PRKCE: variants seen among roughly 807,000 people sequenced by gnomAD.
PRKCE encodes protein kinase C epsilon, also known as protein kinase C epsilon type.
A neutral mutation model predicts 85.4 loss-of-function variants in PRKCE; 16 were observed. The ratio of observed to expected loss-of-function variants is 0.19; its 90% CI spans 0.13 to 0.28. PRKCE has a LOEUF of 0.28. Among genes scored for constraint, PRKCE ranks in the 10% least tolerant of loss-of-function variants. The pLI is 1.00. For synonymous variants in PRKCE, 388 were observed against 371.5 expected (o/e 1.04, Z -0.51); for missense variants, 573 against 975.2 (o/e 0.59, Z 5.49).
At chr2:45,852,000 C>T (rs1283900737) in intron 2 of PRKCE, 2 of 152,354 alleles carry the variant, frequency 1.3e-5, no homozygotes, top group African/African-American at 4.8e-5. Flanking sequence ...AACCACTTGC[C>T]TCCACCTGCC....
intron 6 of PRKCE, among the ~76,000 whole-genome samples, chr2:45,989,777 C>T (rs570607101): frequency 6.6e-6 from 1 of 152,202 alleles, no homozygotes; most frequent in South Asian, 2.1e-4. Context: ...GTCGTAACTT[C>T]AACTTTTATT....
chr2:45,913,199 T>C lies in PRKCE; in HGVS notation c.413-63230T>C, dbSNP rs1462332206. Among the ~76,000 whole-genome samples, 18 of 152,296 alleles carry C rather than the reference T, an allele frequency of 1.2e-4. 2 individuals carry two copies. The Middle Eastern group carries it at 0.02, about 173-fold the overall frequency. The stretch of plus-strand genomic sequence containing the variant: ...TCTCGCTTTGTTACCCAGGCTGGAG[T>C]GCAGTGGTGCAATCACATTTAACTG... On this transcript the variant is annotated intron_variant, in intron 2 of 14. Transcript: ENST00000306156.
At chr2:45,883,747 G>A (rs1306048966) in intron 2 of PRKCE, among the ~76,000 whole-genome samples, 1 of 152,210 alleles carries the variant, frequency 6.6e-6, no homozygotes, top group East Asian at 1.9e-4. Context: ...CATGCTGGAA[G>A]GAAGGACAAA....
At chr2:45,766,870 T>G (rs924544617) in intron 1 of PRKCE, among the ~76,000 whole-genome samples, 48 of 152,146 alleles carry the variant, frequency 3.2e-4, no homozygotes, top group African/African-American at 1.0e-3. Flanking sequence ...TGAAACCCCA[T>G]CTCTACTAAA....
At chr2:46,050,120 C>T (rs1294020213) in intron 10 of PRKCE, among the ~76,000 whole-genome samples, 2 of 152,262 alleles carry the variant, frequency 1.3e-5, no homozygotes, top group Admixed American at 1.3e-4. Flanking sequence ...CTTAGCTGGG[C>T]TCATGGCCTG....
chr2:46,173,556 G>T (rs559863184), intron 14 of PRKCE, among the ~76,000 whole-genome samples: 1 of 152,170 alleles, frequency 6.6e-6, no homozygotes, highest in Non-Finnish European at 1.5e-5. Context: ...CCTCAGTTTC[G>T]CAGGAGCAAG....
At chr2:45,962,586 G>T (rs917759310) in intron 2 of PRKCE, among the ~76,000 whole-genome samples, 7 of 152,204 alleles carry the variant, frequency 4.6e-5, no homozygotes, top group African/African-American at 1.7e-4. Flanking sequence ...CTTGGTTGCA[G>T]AGCTATTAGA....
At chr2:45,699,378 T>C (rs1678425141) in intron 1 of PRKCE, among the ~76,000 whole-genome samples, 1 of 152,222 alleles carries the variant, frequency 6.6e-6, no homozygotes, top group South Asian at 2.1e-4. Context: ...TTTCTCTGTC[T>C]CTCAAGTGAC....
At chr2:45,947,173 T>C (rs1387226595) in intron 2 of PRKCE, among the ~76,000 whole-genome samples, 1 of 152,238 alleles carries the variant, frequency 6.6e-6, no homozygotes, top group Non-Finnish European at 1.5e-5. Context: ...TGCTACAATA[T>C]GGATGAACCT....
rs1215746002 is a variant in PRKCE, at chr2:45,705,121, C to T, written c.348+52673C>T. ...ACTATCATTTGGACATGGAATAATTCACTTTCAATTCCTTATTCAGTATCA... is the reference window on the plus strand; with the variant it reads ...ACTATCATTTGGACATGGAATAATTTACTTTCAATTCCTTATTCAGTATCA... On this transcript the variant is annotated intron_variant, in intron 1 of 14. Transcript: ENST00000306156. Among the ~76,000 whole-genome samples the T allele has an allele frequency of 2.0e-5, 3 of 152,230 alleles. No individual in the cohort carries two copies. The East Asian group carries it at 5.8e-4, about 29-fold the overall frequency.
chr2:45,981,669 T>C (rs1381138686), intron 5 of PRKCE, among the ~76,000 whole-genome samples: 1 of 152,230 alleles, frequency 6.6e-6, no homozygotes, highest in Non-Finnish European at 1.5e-5. Context: ...TCACTGTTGC[T>C]TTCACGAGGA....
At chr2:46,051,335 A>T (rs1002701661) in intron 10 of PRKCE, among the ~76,000 whole-genome samples, 1 of 152,200 alleles carries the variant, frequency 6.6e-6, no homozygotes, top group Non-Finnish European at 1.5e-5. Context: ...CACCATACAC[A>T]TGCTGTCACC....
In PRKCE at chr2:46,026,401, G is replaced by A. The variant is rs189803845; in HGVS notation, c.1437+15884G>A. Among the ~76,000 whole-genome samples the A allele has an allele frequency of 5.9e-5, 9 of 152,306 alleles. No individual in the cohort carries two copies. In the East Asian group the frequency reaches 1.3e-3, roughly 23 times the overall value. On this transcript the variant is annotated intron_variant, in intron 10 of 14. Transcript: ENST00000306156. ...CAGTTAGACAAAATCAGAAAGAAGCGTAGAAGACTATGCAGAAACATTAAG... is the reference window on the plus strand; with the variant it reads ...CAGTTAGACAAAATCAGAAAGAAGCATAGAAGACTATGCAGAAACATTAAG...
At chr2:45,922,653 C>A (rs187559218) in intron 2 of PRKCE, among the ~76,000 whole-genome samples, 7 of 152,150 alleles carry the variant, frequency 4.6e-5, no homozygotes, top group South Asian at 2.1e-4. Flanking sequence ...CCTGGGGTGC[C>A]GTCAGCTCAA....
In PRKCE at chr2:46,053,936, G is replaced by A. The variant is rs12476642; in HGVS notation, c.1438-32272G>A. Among the ~76,000 whole-genome samples the A allele has an allele frequency of 1.5e-3, 224 of 152,146 alleles. 1 individual carries two copies. Among genetic ancestry groups the A allele is most frequent in the East Asian group, 0.014 (72 of 5,182 alleles). On this transcript the variant is annotated intron_variant, in intron 10 of 14. Transcript: ENST00000306156. Reference sequence around the variant, plus strand: ...TCTCCTTTTAATTTTTTTAGGAGCCGCCATACTGTTTTCCACCGCAGCTGT... The same window carrying A: ...TCTCCTTTTAATTTTTTTAGGAGCCACCATACTGTTTTCCACCGCAGCTGT...
chr2:45,973,476 C>G (rs1702239945), intron 2 of PRKCE, among the ~76,000 whole-genome samples: 1 of 152,174 alleles, frequency 6.6e-6, no homozygotes, highest in African/African-American at 2.4e-5. Context: ...TATCTGACAT[C>G]AAATCTGACT....
chr2:45,877,864 C>G (rs1397803076), intron 2 of PRKCE, among the ~76,000 whole-genome samples: 2 of 152,198 alleles, frequency 1.3e-5, no homozygotes, highest in African/African-American at 4.8e-5. Context: ...TGAGTTCCTT[C>G]CTCAGGAAAG....
chr2:46,101,375 C>T (rs1311961598), intron 11 of PRKCE, among the ~76,000 whole-genome samples: 3 of 152,176 alleles, frequency 2.0e-5, no homozygotes, highest in Admixed American at 6.5e-5. Flanking sequence ...GAAGTGACCA[C>T]TCCCGGAGAG....
intron 1 of PRKCE, among the ~76,000 whole-genome samples, chr2:45,782,443 C>G: frequency 6.6e-6 from 1 of 151,976 alleles, no homozygotes; most frequent in East Asian, 1.9e-4. Flanking sequence ...TAAAATAGGC[C>G]GAGAGTCCCC....
Sources: allele counts gnomAD v4.1 joint callset (sites outside exome capture counted in the v4.1 genomes callset), GRCh38; gene constraint gnomAD v4.1.1; transcripts MANE v1.5; gene names NCBI Gene and HGNC (gene_info 2026-07-23, HGNC 2026-07-21).